ORC4: variants seen among roughly 807,000 people sequenced by gnomAD.
The protein encoded by ORC4 is origin recognition complex subunit 4.
ORC4 carries 55 observed loss-of-function variants against 63.9 expected under a neutral mutation model. The ratio of observed to expected loss-of-function variants is 0.86; its 90% confidence interval spans 0.69 to 1.08. The LOEUF (loss-of-function observed/expected upper bound fraction) is 1.08. Ranked by LOEUF, ORC4 falls within the 50% of genes least tolerant of loss-of-function variation. The pLI, the probability that ORC4 is intolerant of heterozygous loss-of-function variation, is 0.00. For synonymous variants in ORC4, 150 were observed against 168.5 expected, an observed-to-expected ratio of 0.89 and a Z score of 0.85; for missense variants, 511 against 504.4, an observed-to-expected ratio of 1.01 and a Z score of -0.13.
Position 147,974,688 on chromosome 2 carries a change from G to C in ORC4, c.58-1164C>G, listed in dbSNP as rs541823336. ...ATTATTTGTAACACAAATAGGCTTT[G>C]TACAGGTAATAGCTAATATCTGTAA... is the stretch of plus-strand genomic sequence containing the variant. On this transcript the variant is annotated intron_variant, in intron 2 of 13. Transcript: ENST00000392857. Among the ~76,000 whole-genome samples, 14 of 151,160 alleles carry C rather than the reference G, an allele frequency of 9.3e-5. No individual in the cohort carries two copies. In the South Asian group the frequency reaches 2.7e-3, roughly 29 times the overall value.
intron 1 of ORC4, among the ~76,000 whole-genome samples, chr2:148,018,099 C>G (rs568169286): frequency 6.6e-6 from 1 of 151,886 alleles, no homozygotes; most frequent in Admixed American, 6.6e-5. Context: ...AAACAAAAAA[C>G]AAACAAACAA....
chr2:147,974,017 T>G (rs1281168543), intron 2 of ORC4, among the ~76,000 whole-genome samples: 2 of 152,146 alleles, frequency 1.3e-5, no homozygotes, highest in African/African-American at 4.8e-5. Flanking sequence ...GAGGGTGCTA[T>G]CTCAGATTTG....
intron 1 of ORC4, among the ~76,000 whole-genome samples, chr2:147,994,891 G>C (rs1055092634): frequency 2.0e-5 from 3 of 152,158 alleles, no homozygotes; most frequent in Admixed American, 6.5e-5. Flanking sequence ...TGGGCATTGT[G>C]GCAGGCTCCT....
In ORC4 at chr2:147,958,799, T is replaced by C. The variant is rs367772283; in HGVS notation, c.293A>G (p.His98Arg). 9.0e-6 allele frequency: 13 copies of C among 1,452,096 alleles called. No individual in the cohort carries two copies. The highest frequency in any genetic ancestry group is 1.4e-5 in the African/African-American group (1 of 71,802). The allele number at this position is 1,452,096 out of a possible 1,614,324, so 90.0% of individuals were successfully genotyped here. The stretch of plus-strand genomic sequence containing the variant: ...AATAATGGCATACTTACCATTTAAG[T>C]GAACTTGTAATACATTTTCACTCAC... The part of the protein sequence containing the change: ...EEVSENVLQV[H>R]LNGLLQINDK... Residue 98 changes from histidine to arginine, a missense_variant, in exon 5 of 14, where the codon CAC (histidine) becomes CGC (arginine). Transcript: ENST00000392857.
chr2:147,967,235 T>G (rs913999492), intron 4 of ORC4, among the ~76,000 whole-genome samples: 4 of 151,842 alleles, frequency 2.6e-5, no homozygotes, highest in African/African-American at 9.7e-5. Flanking sequence ...TCACACCAAA[T>G]GGGGAAAAAC....
At position 147,943,613 on chromosome 2, in the gene ORC4, T is replaced by A. The variant is rs1688495680; in HGVS notation, c.763-91A>T. 5.6e-6 allele frequency: 4 copies of A among 715,840 alleles called. No homozygotes were observed. In the East Asian group the frequency reaches 1.1e-4, roughly 19 times the overall value. 44.3% of individuals were successfully genotyped at this position (715,840 alleles called of 1,614,324 possible). A position where few individuals can be genotyped will look rare whatever the true frequency, so the allele number is the denominator to read the frequency against. On this transcript the variant is annotated intron_variant, in intron 9 of 13. Coordinates refer to ENST00000392857, the MANE Select transcript of ORC4 (RefSeq NM_181741.4). ...CCTGTGCCTTACTGGTTGGTGTACC[T>A]TAGTAACTCTATCTAATATTAATTC... is the stretch of plus-strand genomic sequence containing the variant.
At chr2:147,938,035 AT>A (rs1688149334) in intron 13 of ORC4, 110 bp downstream of exon 13, 3 of 752,252 alleles carry the variant, frequency 4.0e-6, no homozygotes, top group Non-Finnish European at 4.5e-6. Context: ...TTTGAAAAAA[AT>A]CTCTATAATA....
intron 1 of ORC4, among the ~76,000 whole-genome samples, chr2:148,012,400 C>T (rs957467013): frequency 9.9e-5 from 15 of 152,176 alleles, no homozygotes; most frequent in African/African-American, 3.6e-4. Flanking sequence ...TGCCCACATT[C>T]AGAACAACAA....
chr2:148,013,438 G>A (rs567358056), intron 1 of ORC4, among the ~76,000 whole-genome samples: 1 of 152,274 alleles, frequency 6.6e-6, no homozygotes, highest in Admixed American at 6.5e-5. Flanking sequence ...GTGTTGAGAG[G>A]AGAATCAAGA....
intron 4 of ORC4, among the ~76,000 whole-genome samples, chr2:147,969,919 CTG>C (rs1161605341): frequency 6.6e-6 from 1 of 151,888 alleles, no homozygotes; most frequent in Non-Finnish European, 1.5e-5. Flanking sequence ...ATAATTAAAA[CTG>C]TCTTTGTTGA....
At chr2:147,935,838 AT>A (rs1177453541) in intron 13 of ORC4, 140 bp from the exon 14 acceptor site, 2 of 676,584 alleles carry the variant, frequency 3.0e-6, no homozygotes, top group East Asian at 2.6e-5. Flanking sequence ...AATCAATAGG[AT>A]TAAAAAAACT....
In ORC4 at chr2:147,975,942, G is replaced by T; in HGVS notation, c.17C>A (p.Ser6Ter). 1 of 1,589,302 alleles carries T rather than the reference G, an allele frequency of 6.3e-7. No individual in the cohort carries two copies. MSSRK[S>*]KSNSLIHTEC... ...TGTGTGAATTAAGCTGTTACTCTTT[G>T]ATTTACGACTGCTCATTTCAACAAA... Residue 6 changes from serine to a stop codon, truncating the protein, a stop_gained, in exon 2 of 14, where the codon TCA becomes TAA. Transcript: ENST00000392857. LOFTEE classifies it high-confidence loss of function.
intron 1 of ORC4, among the ~76,000 whole-genome samples, chr2:148,008,519 T>C (rs554993935): frequency 5.5e-4 from 84 of 152,302 alleles, no homozygotes; most frequent in African/African-American, 1.9e-3. Context: ...AGTTTTAAAC[T>C]TAACTTCCTC....
chr2:148,001,154 T>A (rs2105433950), intron 1 of ORC4, among the ~76,000 whole-genome samples: 1 of 152,196 alleles, frequency 6.6e-6, no homozygotes, highest in South Asian at 2.1e-4. Flanking sequence ...CACCATGGTA[T>A]CAATCTGAAG....
At chr2:147,962,503 A>G (rs1246680394) in intron 4 of ORC4, among the ~76,000 whole-genome samples, 1 of 152,112 alleles carries the variant, frequency 6.6e-6, no homozygotes, top group Non-Finnish European at 1.5e-5. Context: ...CCAAGCCCAC[A>G]TAGGTGGCTG....
At chr2:148,017,226 C>G (rs1300848270) in intron 1 of ORC4, among the ~76,000 whole-genome samples, 1 of 152,104 alleles carries the variant, frequency 6.6e-6, no homozygotes, top group Non-Finnish European at 1.5e-5. Context: ...AAGGTGAAAT[C>G]AATTATAATT....
At chr2:147,981,136 A>G (rs1690861046) in intron 1 of ORC4, among the ~76,000 whole-genome samples, 1 of 152,190 alleles carries the variant, frequency 6.6e-6, no homozygotes, top group Non-Finnish European at 1.5e-5. Flanking sequence ...CAAACACCAC[A>G]TAATCTAATT....
rs1016782499 is a variant in ORC4 at position 147,931,492 on chromosome 2, A to G, written c.*4018T>C. The G allele has an allele frequency of 1.3e-5, 2 of 151,966 alleles. No homozygotes were observed. The highest frequency in any genetic ancestry group is 4.8e-5 in the African/African-American group (2 of 41,376). The allele number at this position is 151,966 out of a possible 1,614,324, so 9.4% of individuals were successfully genotyped here. A position where few individuals can be genotyped will look rare whatever the true frequency, so the allele number is the denominator to read the frequency against. ...CCACCAACAGTGTGAAAGTGTTCCT[A>G]TTTCTCCACATCCTCTCCAGCACCT... On this transcript the variant is annotated 3_prime_UTR_variant, in exon 14 of 14. Transcript: ENST00000392857.
chr2:147,932,996 T>C lies in ORC4; in HGVS notation c.*2514A>G, dbSNP rs1438938135. ...CAGTAAGTTTGGACCAAACAGGTATTCATTCCCCAGAGCCTTTCACATGCA... is the reference window on the plus strand; with the variant it reads ...CAGTAAGTTTGGACCAAACAGGTATCCATTCCCCAGAGCCTTTCACATGCA... On this transcript the variant is annotated 3_prime_UTR_variant, in exon 14 of 14. Coordinates refer to ENST00000392857, the MANE Select transcript of ORC4 (RefSeq NM_181741.4). The C allele has an allele frequency of 6.6e-6, 1 of 152,076 alleles. No individual in the cohort carries two copies. The highest frequency in any genetic ancestry group is 1.5e-5 in the Non-Finnish European group (1 of 67,996). 9.4% of individuals were successfully genotyped at this position (152,076 alleles called of 1,614,324 possible). A position where few individuals can be genotyped will look rare whatever the true frequency, so the allele number is the denominator to read the frequency against.
Sources: allele counts gnomAD v4.1 joint callset (sites outside exome capture counted in the v4.1 genomes callset), GRCh38; gene constraint gnomAD v4.1.1; transcripts MANE v1.5; gene names NCBI Gene and HGNC (gene_info 2026-07-23, HGNC 2026-07-21).